FILIP1: variants seen among roughly 807,000 people sequenced by gnomAD.
FILIP1 encodes filamin-A-interacting protein 1.
Under a neutral mutation model 102.1 loss-of-function variants are expected in FILIP1, and 61 were observed. The ratio of observed to expected loss-of-function variants is 0.60; its 90% confidence interval spans 0.49 to 0.74. The LOEUF is 0.74. Ranked by LOEUF, FILIP1 falls within the 30% of genes least tolerant of loss-of-function variation. The pLI, the probability that FILIP1 is intolerant of heterozygous loss-of-function variation, is 0.00. For missense variants in FILIP1, 1,314 were observed against 1,441.2 expected (o/e 0.91, Z 1.43); for synonymous variants, 491 against 526.9 (o/e 0.93, Z 0.93).
intron 2 of FILIP1, among the ~76,000 whole-genome samples, chr6:75,409,329 C>T (rs1351355850): frequency 6.6e-6 from 1 of 152,112 alleles, no homozygotes; most frequent in African/African-American, 2.4e-5. Context: ...AGATAAGACA[C>T]TTCAAAGGCG....
At position 75,301,034 on chromosome 6, in the gene FILIP1, T is replaced by C. The variant is rs1486779783; in HGVS notation, c.3494-5084A>G. Among the ~76,000 whole-genome samples the C allele has an allele frequency of 2.6e-5, 4 of 152,172 alleles. No homozygotes were observed. The South Asian group carries it at 6.2e-4, about 24-fold the overall frequency. On this transcript the variant is annotated intron_variant, in intron 6 of 6. Transcript: ENST00000393004. Reference sequence around the variant, plus strand: ...AAAAATTAAGTAATGGAAAAATAGGTAAGTATTTGAGCAAAGCATGCTGAG... The same window carrying C: ...AAAAATTAAGTAATGGAAAAATAGGCAAGTATTTGAGCAAAGCATGCTGAG...
chr6:75,308,956 G>A, intron 5 of FILIP1, 59 bp from the exon 6 acceptor site: 2 of 1,577,766 alleles, frequency 1.3e-6, no homozygotes, highest in Non-Finnish European at 8.7e-7. Flanking sequence ...CTCTGGATAT[G>A]CCATCAATCT....
At chr6:75,414,111 A>C (rs1297515686) in intron 2 of FILIP1, among the ~76,000 whole-genome samples, 4 of 149,956 alleles carry the variant, frequency 2.7e-5, no homozygotes, top group African/African-American at 9.8e-5. Flanking sequence ...GAAAATGCTT[A>C]GGAAACTATT....
chr6:75,409,886 C>T (rs12200885), intron 2 of FILIP1, among the ~76,000 whole-genome samples: 7,700 of 152,094 alleles, frequency 0.051, 296 homozygotes, highest in Non-Finnish European at 0.068. Context: ...CTGTTTTCCA[C>T]ACCCCTATAA....
intron 2 of FILIP1, among the ~76,000 whole-genome samples, chr6:75,373,663 G>C (rs974013492): frequency 2.0e-5 from 3 of 150,938 alleles, no homozygotes; most frequent in Admixed American, 2.0e-4. Flanking sequence ...ACTAAGAAAA[G>C]AAAATTAAAA....
At chr6:75,426,508 A>G (rs1455021945) in intron 1 of FILIP1, among the ~76,000 whole-genome samples, 1 of 152,142 alleles carries the variant, frequency 6.6e-6, no homozygotes, top group Non-Finnish European at 1.5e-5. Flanking sequence ...CAGAGGAGAT[A>G]CAGAAGTGGC....
chr6:75,461,189 C>G (rs1284326962), intron 1 of FILIP1, among the ~76,000 whole-genome samples: 2 of 152,216 alleles, frequency 1.3e-5, no homozygotes, highest in Non-Finnish European at 2.9e-5. Flanking sequence ...AGGCATTGCT[C>G]TAAGCTAAAT....
chr6:75,326,209 G>A (rs532974851), intron 4 of FILIP1, among the ~76,000 whole-genome samples: 3 of 151,996 alleles, frequency 2.0e-5, no homozygotes, highest in Non-Finnish European at 4.4e-5. Context: ...CAACCTGGAT[G>A]GAGTTGGAAA....
rs1047572742 is a variant in FILIP1, at chr6:75,411,945, C to A, written c.276+2752G>T. On this transcript the variant is annotated intron_variant, in intron 2 of 5. Coordinates refer to ENST00000237172, the MANE Select transcript of FILIP1 (RefSeq NM_015687.5). Reference sequence around the variant, plus strand: ...GAATTTAGAGTAGTTTTTTCTAATTCTGTGGAGAAAGTCAGTGGTAGCTTG... The same window carrying A: ...GAATTTAGAGTAGTTTTTTCTAATTATGTGGAGAAAGTCAGTGGTAGCTTG... 3.3e-5 allele frequency among the ~76,000 whole-genome samples: 5 copies of A among 151,660 alleles called. No homozygotes were observed. The East Asian group carries it at 7.9e-4, about 24-fold the overall frequency.
At chr6:75,487,793 AT>A (rs1779836244) in intron 1 of FILIP1, among the ~76,000 whole-genome samples, 1 of 151,842 alleles carries the variant, frequency 6.6e-6, no homozygotes, top group Admixed American at 6.6e-5. Flanking sequence ...CAGATAATTC[AT>A]TTCTTTAAAT....
intron 1 of FILIP1, among the ~76,000 whole-genome samples, chr6:75,485,832 T>C (rs890734968): frequency 1.3e-5 from 2 of 152,120 alleles, no homozygotes; most frequent in Non-Finnish European, 2.9e-5. Context: ...GCAAGCTCTC[T>C]GTTTTATTTT....
At chr6:75,437,743 A>G (rs1778074537) in intron 1 of FILIP1, among the ~76,000 whole-genome samples, 1 of 152,192 alleles carries the variant, frequency 6.6e-6, no homozygotes, top group African/African-American at 2.4e-5. Context: ...CTGGGGAGGA[A>G]CTGTCATCAA....
intron 1 of FILIP1, among the ~76,000 whole-genome samples, chr6:75,467,057 A>C (rs2951915): frequency 0.032 from 4,849 of 152,282 alleles, 266 homozygotes; most frequent in African/African-American, 0.11. Context: ...TCATGAATGC[A>C]TCTTCTTTTA....
At chr6:75,379,637 A>G (rs1775844422) in intron 2 of FILIP1, among the ~76,000 whole-genome samples, 1 of 152,140 alleles carries the variant, frequency 6.6e-6, no homozygotes, top group Non-Finnish European at 1.5e-5. Flanking sequence ...TCCTTCTCAT[A>G]ACCACTACCT....
At chr6:75,397,003 C>T (rs1242328195) in intron 2 of FILIP1, among the ~76,000 whole-genome samples, 2 of 114,078 alleles carry the variant, frequency 1.8e-5, no homozygotes, top group Admixed American at 2.6e-4. Flanking sequence ...CATCACACAC[C>T]GGGGCCTATT....
At chr6:75,491,261 G>A (rs1379629892) in intron 1 of FILIP1, among the ~76,000 whole-genome samples, 1 of 152,076 alleles carries the variant, frequency 6.6e-6, no homozygotes, top group Admixed American at 6.6e-5. Flanking sequence ...GTATTGAAAT[G>A]TTCACTGAGT....
rs183836559 is a variant in FILIP1 at position 75,338,724 on chromosome 6, C to G, written c.629+14815G>C. 5.8e-4 allele frequency among the ~76,000 whole-genome samples: 88 copies of G among 152,268 alleles called. 1 individual carries two copies. Among genetic ancestry groups the G allele is most frequent in the African/African-American group, 2.0e-3 (85 of 41,556 alleles). On this transcript the variant is annotated intron_variant, in intron 4 of 5. Coordinates refer to ENST00000237172, the MANE Select transcript of FILIP1 (RefSeq NM_015687.5). ...ATGTCTGCCAATTTAGAGCAGAATT[C>G]CCAGAGTTTTTTATTCCAGAAGAAT...
At chr6:75,464,373 G>T (rs1265742486) in intron 1 of FILIP1, among the ~76,000 whole-genome samples, 5 of 152,118 alleles carry the variant, frequency 3.3e-5, no homozygotes, top group African/African-American at 9.7e-5. Flanking sequence ...TCCTAACATA[G>T]CGTTGATATT....
chr6:75,347,902 T>C (rs145649360), intron 4 of FILIP1, among the ~76,000 whole-genome samples: 4 of 152,332 alleles, frequency 2.6e-5, no homozygotes, highest in Non-Finnish European at 5.9e-5. Flanking sequence ...AAGAAGCTGA[T>C]TTGTACTTTA....
Sources: allele counts gnomAD v4.1 joint callset (sites outside exome capture counted in the v4.1 genomes callset), GRCh38; gene constraint gnomAD v4.1.1; transcripts MANE v1.5; gene names NCBI Gene and HGNC (gene_info 2026-07-23, HGNC 2026-07-21).